The following UNC13C variants were observed in gnomAD, a reference collection of about 807,000 sequenced individuals.
UNC13C encodes protein unc-13 homolog C.
Under a neutral mutation model 245.4 loss-of-function variants are expected in UNC13C, and 174 were observed. The ratio of observed to expected loss-of-function variants is 0.71; its 90% CI spans 0.63 to 0.80. UNC13C has a LOEUF of 0.80. UNC13C is among the 30% of genes least tolerant of loss of function. UNC13C has a pLI of 0.00. For missense variants in UNC13C, 2,829 were observed against 2,602.9 expected (o/e 1.09, Z -1.89); for synonymous variants, 992 against 895.1 (o/e 1.11, Z -1.93).
chr15:53,864,082 T>C, the UNC13C span, among the ~76,000 whole-genome samples: 33 of 152,176 alleles, frequency 2.2e-4, no homozygotes, highest in Non-Finnish European at 3.4e-4. Flanking sequence ...TGTTTTACTT[T>C]TCCACTGTCC....
At chr15:54,133,147 A>G (rs1415043508) in intron 2 of UNC13C, among the ~76,000 whole-genome samples, 1 of 152,206 alleles carries the variant, frequency 6.6e-6, no homozygotes, top group Non-Finnish European at 1.5e-5. Context: ...AAGATATCAT[A>G]GAATTTAGAG....
chr15:54,230,618 C>T (rs932999062), intron 4 of UNC13C, among the ~76,000 whole-genome samples: 1 of 151,912 alleles, frequency 6.6e-6, no homozygotes, highest in African/African-American at 2.4e-5. Flanking sequence ...AGTCAAGGCA[C>T]ATAGCAATAT....
Position 54,014,984 on chromosome 15 carries a change from A to G in UNC13C, c.2081A>G (p.Asp694Gly), listed in dbSNP as rs1247868662. ...FDQQLDVYNK[D>G]LEYLGKCHSD... ...CAACAGCTTGATGTTTACAATAAAG[A>G]CCTAGAATACTTGGGAAAGTGCCAC... The change falls in exon 2 of 33, where the codon GAC (aspartate) becomes GGC (glycine). Residue 694 changes from aspartate to glycine, a missense_variant. Physicochemically the swap from Asp to Gly is moderately conservative, Grantham distance 94. Transcript: ENST00000260323. The G allele has an allele frequency of 2.5e-6, 4 of 1,613,520 alleles. No homozygotes were observed. Among genetic ancestry groups the G allele is most frequent in the South Asian group, 2.2e-5 (2 of 91,068 alleles).
At chr15:54,343,902 G>A (rs1567202522) in intron 17 of UNC13C, among the ~76,000 whole-genome samples, 1 of 151,824 alleles carries the variant, frequency 6.6e-6, no homozygotes, top group African/African-American at 2.4e-5. Context: ...GTAAGGGGGG[G>A]TCCTGGCTAA....
Position 54,236,447 on chromosome 15 carries a change from G to C in UNC13C, c.3156+12G>C. On this transcript the variant is annotated intron_variant, in intron 6 of 32. Transcript: ENST00000260323. ...ATCTTCAGGCCATGGTAAGTGCTTT[G>C]CTATTTATTTAATTAATATTTTGCA... 6.3e-7 allele frequency: 1 copy of C among 1,589,464 alleles called. No individual in the cohort carries two copies. The highest frequency in any genetic ancestry group is 8.5e-7 in the Non-Finnish European group (1 of 1,173,598).
chr15:54,054,111 T>C (rs1011125694), intron 2 of UNC13C, among the ~76,000 whole-genome samples: 1 of 152,210 alleles, frequency 6.6e-6, no homozygotes, highest in Non-Finnish European at 1.5e-5. Context: ...CTCTTAAGTA[T>C]ACTGGTTTCC....
chr15:54,371,084 A>C (rs145192397), intron 17 of UNC13C, among the ~76,000 whole-genome samples: 2 of 152,296 alleles, frequency 1.3e-5, no homozygotes, highest in East Asian at 3.9e-4. Context: ...AACTATAATT[A>C]CATATTGTAC....
chr15:54,536,754 GA>G (rs766536674), intron 26 of UNC13C, among the ~76,000 whole-genome samples: 10 of 152,046 alleles, frequency 6.6e-5, no homozygotes, highest in Non-Finnish European at 1.0e-4. Flanking sequence ...AATAGATGCA[GA>G]AAAGGCTTTC....
chr15:53,997,954 C>T (rs1173364052), intron 1 of UNC13C, among the ~76,000 whole-genome samples: 1 of 151,978 alleles, frequency 6.6e-6, no homozygotes, highest in East Asian at 1.9e-4. Flanking sequence ...AGGTGTGCGC[C>T]ACCATGACCA....
intron 18 of UNC13C, among the ~76,000 whole-genome samples, chr15:54,395,855 ATAAAT>A (rs559250492): frequency 1.5e-4 from 23 of 151,960 alleles, no homozygotes; most frequent in South Asian, 8.3e-4. Context: ...GAATGAATTA[ATAAAT>A]TAAAGTAAAT....
intron 26 of UNC13C, among the ~76,000 whole-genome samples, chr15:54,542,935 G>A (rs1271578583): frequency 6.6e-6 from 1 of 152,050 alleles, no homozygotes; most frequent in Non-Finnish European, 1.5e-5. Context: ...ACACTGATGG[G>A]TCTTGACTCT....
chr15:53,867,824 A>AT, the UNC13C span, among the ~76,000 whole-genome samples: 1 of 152,140 alleles, frequency 6.6e-6, no homozygotes, highest in Admixed American at 6.5e-5. Flanking sequence ...TAAATAACAA[A>AT]TTTTGTTTTA....
At chr15:54,493,059 G>A (rs1375254348) in intron 19 of UNC13C, among the ~76,000 whole-genome samples, 1 of 152,166 alleles carries the variant, frequency 6.6e-6, no homozygotes, top group African/African-American at 2.4e-5. Flanking sequence ...TTTGTGATAA[G>A]TTGAACCTTC....
the UNC13C span, among the ~76,000 whole-genome samples, chr15:53,876,068 ACT>A: frequency 6.6e-6 from 1 of 152,014 alleles, no homozygotes; most frequent in African/African-American, 2.4e-5. Flanking sequence ...TATGCTAAAT[ACT>A]CTCTCCTGTT....
the UNC13C span, chr15:53,911,565 A>C: frequency 6.6e-6 from 1 of 152,200 alleles, no homozygotes; most frequent in Non-Finnish European, 1.5e-5. Context: ...TCCGCCTCTG[A>C]GATGGAGAAT....
At chr15:54,057,295 G>A (rs1897577152) in intron 2 of UNC13C, among the ~76,000 whole-genome samples, 1 of 150,724 alleles carries the variant, frequency 6.6e-6, no homozygotes, top group Non-Finnish European at 1.5e-5. Flanking sequence ...AACAAAAAAA[G>A]GCAGGGATTG....
chr15:54,447,353 C>A (rs566461012), intron 19 of UNC13C, among the ~76,000 whole-genome samples: 7 of 152,124 alleles, frequency 4.6e-5, no homozygotes, highest in Admixed American at 6.5e-5. Flanking sequence ...AATGGTACCA[C>A]CTCCTCCTTG....
At chr15:53,923,962 T>C in the UNC13C span, among the ~76,000 whole-genome samples, 1 of 152,132 alleles carries the variant, frequency 6.6e-6, no homozygotes, top group African/African-American at 2.4e-5. Context: ...ATCCCAGCAC[T>C]TTGGGAGGCT....
the UNC13C span, among the ~76,000 whole-genome samples, chr15:53,953,355 G>A: frequency 6.6e-6 from 1 of 152,192 alleles, no homozygotes; most frequent in Non-Finnish European, 1.5e-5. Flanking sequence ...CTGCCTCGTG[G>A]TGCTCCAGGT....
Sources: gnomAD v4.1 joint callset for allele counts (sites outside exome capture counted in the v4.1 genomes callset) on GRCh38, gnomAD v4.1.1 for gene constraint, MANE v1.5 for transcripts, NCBI Gene and HGNC (gene_info 2026-07-23, HGNC 2026-07-21) for gene names.